The following FGF12 variants were observed in gnomAD, a reference collection of about 807,000 sequenced individuals.
The protein encoded by FGF12 is fibroblast growth factor 12.
A neutral mutation model predicts 23.6 loss-of-function variants in FGF12; 14 were observed. That is an observed-to-expected ratio of 0.59 (90% confidence interval 0.39 to 0.93). The LOEUF is 0.93. Among genes scored for constraint, FGF12 ranks in the 40% least tolerant of loss-of-function variants. The pLI, the probability that FGF12 is intolerant of heterozygous loss-of-function variation, is 0.00. For synonymous variants in FGF12, 62 were observed against 77.3 expected, an observed-to-expected ratio of 0.80 and a Z score of 1.04; for missense variants, 175 against 217.8, an observed-to-expected ratio of 0.80 and a Z score of 1.24.
At chr3:192,325,099 T>C (rs890922340) in intron 4 of FGF12, among the ~76,000 whole-genome samples, 1 of 152,164 alleles carries the variant, frequency 6.6e-6, no homozygotes, top group Non-Finnish European at 1.5e-5. Flanking sequence ...AAAGACAACC[T>C]AATCCCAACA....
At chr3:192,623,972 G>T (rs1233425479) in intron 2 of FGF12, among the ~76,000 whole-genome samples, 1 of 152,134 alleles carries the variant, frequency 6.6e-6, no homozygotes, top group East Asian at 1.9e-4. Context: ...TTAAGACTAG[G>T]TTATCACAGG....
intron 5 of FGF12, among the ~76,000 whole-genome samples, chr3:192,150,518 T>C (rs1258613699): frequency 1.4e-5 from 2 of 142,194 alleles, no homozygotes; most frequent in Non-Finnish European, 3.1e-5. Flanking sequence ...GGATCCAGTT[T>C]CAGCTTCCTA....
intron 2 of FGF12, among the ~76,000 whole-genome samples, chr3:192,692,372 C>T (rs371358300): frequency 1.2e-4 from 18 of 152,216 alleles, no homozygotes; most frequent in Admixed American, 3.9e-4. Context: ...GGTAAATTAA[C>T]CAATGTGATA....
At chr3:192,461,395 G>A (rs570737825) in intron 2 of FGF12, among the ~76,000 whole-genome samples, 2 of 152,074 alleles carry the variant, frequency 1.3e-5, no homozygotes, top group Non-Finnish European at 2.9e-5. Flanking sequence ...GAGCACTATA[G>A]AACATACCCA....
intron 5 of FGF12, among the ~76,000 whole-genome samples, chr3:192,154,305 C>G (rs980342179): frequency 2.6e-4 from 31 of 119,980 alleles, no homozygotes; most frequent in Non-Finnish European, 1.1e-4. Context: ...AAGCCTTCTT[C>G]TCTCAGCTCG....
At chr3:192,669,510 C>T (rs1033874402) in intron 2 of FGF12, among the ~76,000 whole-genome samples, 1 of 147,906 alleles carries the variant, frequency 6.8e-6, no homozygotes, top group Non-Finnish European at 1.5e-5. Flanking sequence ...TCGCTTGAAT[C>T]CAGGAGGTGG....
chr3:192,196,393 G>A (rs1717070335), intron 4 of FGF12, among the ~76,000 whole-genome samples: 1 of 152,002 alleles, frequency 6.6e-6, no homozygotes, highest in Admixed American at 6.6e-5. Flanking sequence ...TTTTTAAATG[G>A]GAGTGTTAGA....
intron 2 of FGF12, among the ~76,000 whole-genome samples, chr3:192,552,785 G>A (rs948909672): frequency 2.0e-5 from 3 of 152,068 alleles, no homozygotes; most frequent in South Asian, 2.1e-4. Context: ...CAGCTACTCC[G>A]GAGGCTGAGG....
intron 2 of FGF12, among the ~76,000 whole-genome samples, chr3:192,392,591 CGAGAGAGAGAGAGAGAGA>C (rs67784749): frequency 9.6e-5 from 4 of 41,868 alleles, no homozygotes; most frequent in South Asian, 1.7e-3. Flanking sequence ...AGTGAAACTC[CGAGAGAGAGAGAGAGAGA>C]GAGAGAGAGA....
At chr3:192,707,049 G>C (rs1490903398) in intron 2 of FGF12, among the ~76,000 whole-genome samples, 5 of 152,178 alleles carry the variant, frequency 3.3e-5, no homozygotes, top group Non-Finnish European at 7.3e-5. Flanking sequence ...TCAAGGACAA[G>C]AAAGGCCTTC....
intron 3 of FGF12, among the ~76,000 whole-genome samples, chr3:192,344,113 G>A (rs1320551780): frequency 9.2e-5 from 14 of 152,150 alleles, no homozygotes; most frequent in African/African-American, 3.4e-4. Flanking sequence ...AGGCATAAAT[G>A]AGTTAACCAC....
At chr3:192,186,610 T>A (rs184879200) in intron 4 of FGF12, among the ~76,000 whole-genome samples, 1 of 152,218 alleles carries the variant, frequency 6.6e-6, no homozygotes, top group East Asian at 1.9e-4. Context: ...TGTGTGTGCG[T>A]GTGTGTGTGT....
At chr3:192,395,991 T>C (rs949070879) in intron 2 of FGF12, among the ~76,000 whole-genome samples, 4 of 152,180 alleles carry the variant, frequency 2.6e-5, no homozygotes, top group Non-Finnish European at 5.9e-5. Flanking sequence ...GAGTAGTATG[T>C]GGGGAAGGGT....
At chr3:192,508,957 T>C (rs1724392040) in intron 2 of FGF12, among the ~76,000 whole-genome samples, 1 of 152,172 alleles carries the variant, frequency 6.6e-6, no homozygotes, top group African/African-American at 2.4e-5. Flanking sequence ...AATTACTTCA[T>C]TTTGGCACTT....
chr3:192,547,841 G>GT (rs759374354), intron 2 of FGF12, among the ~76,000 whole-genome samples: 1 of 152,140 alleles, frequency 6.6e-6, no homozygotes, highest in Non-Finnish European at 1.5e-5. Context: ...TTCTGTCACT[G>GT]TTTTTTCTAT....
intron 2 of FGF12, among the ~76,000 whole-genome samples, chr3:192,703,697 C>G (rs1273536497): frequency 6.6e-6 from 1 of 152,136 alleles, no homozygotes; most frequent in East Asian, 1.9e-4. Context: ...TAATTTTAAT[C>G]CCCATAATCT....
At chr3:192,226,070 T>G (rs1718717044) in intron 4 of FGF12, among the ~76,000 whole-genome samples, 1 of 152,130 alleles carries the variant, frequency 6.6e-6, no homozygotes. Context: ...TAAAACACAC[T>G]GAAGTCTCCA....
chr3:192,174,965 T>C (rs1053006444), intron 4 of FGF12, among the ~76,000 whole-genome samples: 5 of 152,228 alleles, frequency 3.3e-5, no homozygotes, highest in East Asian at 1.9e-4. Context: ...ATGAATCCTA[T>C]AATAAGGCAC....
chr3:192,162,823 G>A (rs1714954585), intron 5 of FGF12, among the ~76,000 whole-genome samples: 1 of 152,052 alleles, frequency 6.6e-6, no homozygotes, highest in Non-Finnish European at 1.5e-5. Flanking sequence ...TTATTATGTA[G>A]TTTTGAAGGG....
Sources: gnomAD v4.1 joint callset for allele counts (sites outside exome capture counted in the v4.1 genomes callset) on GRCh38, gnomAD v4.1.1 for gene constraint, MANE v1.5 for transcripts, NCBI Gene and HGNC (gene_info 2026-07-23, HGNC 2026-07-21) for gene names.